Variants in RAD50 observed in about 807,000 individuals in gnomAD.
The protein encoded by RAD50 is DNA repair protein RAD50.
In RAD50, 132 loss-of-function variants were observed where a neutral mutation model predicts 168.8. The observed-to-expected ratio is 0.78, with a 90% CI of 0.68 to 0.90. The LOEUF (loss-of-function observed/expected upper bound fraction) is 0.90, where lower values mean the gene tolerates loss of function less well. Among genes scored for constraint, RAD50 ranks in the 40% least tolerant of loss-of-function variants. The probability of loss-of-function intolerance (pLI) is 0.00; values close to 1 mark genes in which losing one functional copy is unlikely to be tolerated. For synonymous variants in RAD50, 525 were observed against 497.4 expected (o/e 1.06, Z -0.74); for missense variants, 1,347 against 1,534.4 (o/e 0.88, Z 2.04).
chr5:132,591,867 T>C lies in RAD50; in HGVS notation c.1636-10T>C, dbSNP rs1196675053. ...ACTTTATTTTTAAAAGATTTTTTTTTTACCTATAGGCTGACAAAGATGAAC... is the reference window on the plus strand; with the variant it reads ...ACTTTATTTTTAAAAGATTTTTTTTCTACCTATAGGCTGACAAAGATGAAC... On this transcript the variant is annotated splice_polypyrimidine_tract_variant and intron_variant, in intron 10 of 24. Transcript: ENST00000378823. The C allele has an allele frequency of 3.8e-6, 6 of 1,575,068 alleles. No individual in the cohort carries two copies. Among genetic ancestry groups the C allele is most frequent in the South Asian group, 3.4e-5 (3 of 88,064 alleles).
At chr5:132,581,103 T>C (rs1750496668) in intron 5 of RAD50, among the ~76,000 whole-genome samples, 1 of 151,964 alleles carries the variant, frequency 6.6e-6, no homozygotes, top group African/African-American at 2.4e-5. Context: ...TGTATTTATT[T>C]ATTTATTTAT....
chr5:132,597,508 C>T (rs1750812245), intron 13 of RAD50, among the ~76,000 whole-genome samples: 1 of 152,198 alleles, frequency 6.6e-6, no homozygotes, highest in African/African-American at 2.4e-5. Flanking sequence ...CTCTGTCTCC[C>T]TCTGTCTCTT....
chr5:132,579,789 A>G, intron 4 of RAD50, 73 bp from the exon 5 acceptor site: 1 of 1,255,796 alleles, frequency 8.0e-7, no homozygotes, highest in South Asian at 1.3e-5. Flanking sequence ...GTGACAGCAT[A>G]ATATCCCACT....
Position 132,604,956 on chromosome 5 carries a change from T to C in RAD50, c.2675T>C (p.Val892Ala). The C allele has an allele frequency of 6.2e-7, 1 of 1,613,958 alleles. No homozygotes were observed. The change falls in exon 16 of 25, where the codon GTG becomes GCG. Residue 892 changes from valine to alanine, a missense_variant. Physicochemically the swap from Val to Ala is moderately conservative, Grantham distance 64. This residue lies in a region of RAD50 where 635 missense variants were observed against 739.2 expected (regional missense o/e 0.86). Coordinates refer to ENST00000378823, the MANE Select transcript of RAD50 (RefSeq NM_005732.4). ...CGTCAGCAACTGGAGGAGCAGACTG[T>C]GGAATTATCCACTGAAGTTCAGTCT... is the stretch of plus-strand genomic sequence containing the variant. ...QRRQQLEEQT[V>A]ELSTEVQSLY...
intron 21 of RAD50, among the ~76,000 whole-genome samples, chr5:132,623,599 C>CT (rs1405974596): frequency 1.3e-5 from 2 of 152,160 alleles, no homozygotes; most frequent in Non-Finnish European, 2.9e-5. Context: ...ATTTCCCTTT[C>CT]TTTCTTGTGA....
chr5:132,571,674 T>C (rs1580982718), intron 2 of RAD50, among the ~76,000 whole-genome samples: 1 of 152,068 alleles, frequency 6.6e-6, no homozygotes, highest in Non-Finnish European at 1.5e-5. Context: ...GCTGTGTTCA[T>C]GCCACTGCAC....
At chr5:132,577,677 A>G (rs1750422357) in intron 3 of RAD50, among the ~76,000 whole-genome samples, 1 of 151,974 alleles carries the variant, frequency 6.6e-6, no homozygotes, top group African/African-American at 2.4e-5. Flanking sequence ...CTTCCTAGGT[A>G]ATCACATTCT....
At chr5:132,631,454 A>G (rs923308695) in intron 21 of RAD50, among the ~76,000 whole-genome samples, 25 of 152,102 alleles carry the variant, frequency 1.6e-4, no homozygotes, top group Non-Finnish European at 1.8e-4. Context: ...CAAAGAAATC[A>G]TACTACTTCG....
rs759439700 is a variant in RAD50, at chr5:132,603,900, C to A, written c.2398-20C>A. ...ATGCAGTAAGTTTATTAAAGGAAAT[C>A]ATTTTGTTATATTCTTAAGATGGAA... On this transcript the variant is annotated intron_variant, in intron 14 of 24. Coordinates refer to ENST00000378823, the MANE Select transcript of RAD50 (RefSeq NM_005732.4). 2.6e-6 allele frequency: 4 copies of A among 1,566,166 alleles called. No individual in the cohort carries two copies. The highest frequency in any genetic ancestry group is 1.1e-5 in the South Asian group (1 of 88,960).
intron 2 of RAD50, among the ~76,000 whole-genome samples, chr5:132,575,562 T>C (rs1443603364): frequency 1.3e-5 from 2 of 152,240 alleles, no homozygotes; most frequent in South Asian, 4.1e-4. Flanking sequence ...GATCTCCTAA[T>C]GATGCTGAAT....
intron 2 of RAD50, among the ~76,000 whole-genome samples, chr5:132,565,539 T>C (rs1419408805): frequency 6.6e-6 from 1 of 152,136 alleles, no homozygotes; most frequent in East Asian, 1.9e-4. Flanking sequence ...TGCTAGATCA[T>C]GTCCTCATTC....
chr5:132,595,531 G>T, intron 12 of RAD50, 42 bp from the exon 13 acceptor site: 1 of 1,353,062 alleles, frequency 7.4e-7, no homozygotes, highest in Non-Finnish European at 1.1e-6. Context: ...TGTATTTTAT[G>T]TTTTTTTCTC....
At chr5:132,567,532 C>T (rs186421543) in intron 2 of RAD50, among the ~76,000 whole-genome samples, 7 of 152,298 alleles carry the variant, frequency 4.6e-5, no homozygotes, top group Admixed American at 2.6e-4. Flanking sequence ...GAGCAGAGTA[C>T]TGAAGTAGGG....
chr5:132,578,653 A>G (rs1419463541), intron 3 of RAD50, among the ~76,000 whole-genome samples: 2 of 150,298 alleles, frequency 1.3e-5, no homozygotes, highest in Non-Finnish European at 3.0e-5. Flanking sequence ...CAGCCTCCCA[A>G]GGAGCTGGGA....
chr5:132,641,910 G>A (rs1338261794), intron 24 of RAD50: 28 of 466,636 alleles, frequency 6.0e-5, no homozygotes, highest in Non-Finnish European at 7.6e-6. Context: ...CTTCTGATCT[G>A]GAAGAAACTA....
chr5:132,590,846 A>G (rs1226767550), intron 9 of RAD50, among the ~76,000 whole-genome samples: 2 of 152,170 alleles, frequency 1.3e-5, no homozygotes, highest in Non-Finnish European at 2.9e-5. Flanking sequence ...ACATCACACT[A>G]TTTTTATAGT....
At chr5:132,601,285 G>A (rs1157154942) in intron 13 of RAD50, among the ~76,000 whole-genome samples, 5 of 152,236 alleles carry the variant, frequency 3.3e-5, no homozygotes, top group Admixed American at 6.5e-5. Context: ...GGCGTGAGCC[G>A]TCACACCCGG....
At position 132,638,144 on chromosome 5, in the gene RAD50, G is replaced by T. The variant is rs369788398; in HGVS notation, c.3539G>T (p.Arg1180Leu). The T allele has an allele frequency of 6.2e-7, 1 of 1,614,154 alleles. No homozygotes were observed. The highest frequency in any genetic ancestry group is 1.3e-5 in the African/African-American group (1 of 75,052). Residue 1180 changes from arginine to leucine, a missense_variant, in exon 23 of 25, where the codon CGG (arginine) becomes CTG (leucine). Transcript: ENST00000378823. ...DENVSASDKR[R>L]NYNYRVVMLK... Reference sequence around the variant, plus strand: ...AATGTATCAGCTTCTGATAAAAGGCGGAATTATAACTACCGAGTGGTGATG... The same window carrying T: ...AATGTATCAGCTTCTGATAAAAGGCTGAATTATAACTACCGAGTGGTGATG...
At chr5:132,626,930 G>A (rs1751381177) in intron 21 of RAD50, among the ~76,000 whole-genome samples, 1 of 152,018 alleles carries the variant, frequency 6.6e-6, no homozygotes. Context: ...TCTCAGGCTG[G>A]AGTGCAGTGG....
Sources: allele counts gnomAD v4.1 joint callset (sites outside exome capture counted in the v4.1 genomes callset), GRCh38; gene constraint gnomAD v4.1.1; regional missense constraint gnomAD v4.1.1; transcripts MANE v1.5; gene names NCBI Gene and HGNC (gene_info 2026-07-23, HGNC 2026-07-21).